The following ALMS1 variants were observed in gnomAD, a reference collection of about 807,000 sequenced individuals.
The protein encoded by ALMS1 is centrosome-associated protein ALMS1.
A neutral mutation model predicts 352.2 loss-of-function variants in ALMS1; 271 were observed. That is an observed-to-expected ratio of 0.77 (90% CI 0.70 to 0.85). The LOEUF (loss-of-function observed/expected upper bound fraction) is 0.85, where lower values mean the gene tolerates loss of function less well. Ranked by LOEUF, ALMS1 falls within the 40% of genes least tolerant of loss-of-function variation. The pLI, the probability that ALMS1 is intolerant of heterozygous loss-of-function variation, is 0.00. For synonymous variants in ALMS1, 1,865 were observed against 1,761.2 expected (o/e 1.06, Z -1.48); for missense variants, 5,445 against 4,870.7 (o/e 1.12, Z -3.51).
rs374693631 is a variant in ALMS1, at chr2:73,490,689, T to C, written c.8730T>C (p.His2910=). The change falls in exon 10 of 23, where the codon CAT becomes CAC. Residue 2910 remains histidine (H), a synonymous_variant. Transcript: ENST00000613296. ...AACACCATTCTCCCTCTCCTCAACA[T>C]CAGGATTATGTAGCTCCAGACCTTC... The part of the protein sequence containing the change: ...VRKHHSPSPQ[H]QDYVAPDLPS... 92 of 1,613,922 alleles carry C rather than the reference T, an allele frequency of 5.7e-5. No homozygotes were observed. Among genetic ancestry groups the C allele is most frequent in the Admixed American group, 1.7e-4 (10 of 59,994 alleles).
chr2:73,542,105 T>G (rs1674197250), intron 12 of ALMS1, among the ~76,000 whole-genome samples: 1 of 152,172 alleles, frequency 6.6e-6, no homozygotes, highest in Non-Finnish European at 1.5e-5. Flanking sequence ...TAAACATTGA[T>G]GCAAAAATCC....
chr2:73,543,635 T>C (rs940069586), intron 12 of ALMS1, among the ~76,000 whole-genome samples: 8 of 152,060 alleles, frequency 5.3e-5, no homozygotes, highest in African/African-American at 1.9e-4. Context: ...AGGGCTAATA[T>C]CCAGAATCTA....
chr2:73,395,012 A>ATGTG (rs1371878238), intron 1 of ALMS1, among the ~76,000 whole-genome samples: 70 of 144,032 alleles, frequency 4.9e-4, no homozygotes, highest in African/African-American at 1.8e-3. Flanking sequence ...GTGTATATAT[A>ATGTG]TGTGTATATA....
intron 16 of ALMS1, among the ~76,000 whole-genome samples, chr2:73,593,387 T>A (rs1675472666): frequency 6.6e-6 from 1 of 152,100 alleles, no homozygotes; most frequent in South Asian, 2.1e-4. Context: ...GTGCCCACCT[T>A]TTTTTAGGAT....
chr2:73,461,391 G>A (rs1173880622), intron 9 of ALMS1, among the ~76,000 whole-genome samples: 2 of 152,194 alleles, frequency 1.3e-5, no homozygotes, highest in African/African-American at 2.4e-5. Context: ...CTGCAGCTGA[G>A]GGTCCTGTCT....
chr2:73,548,406 C>T (rs1312474689), intron 12 of ALMS1, among the ~76,000 whole-genome samples: 3 of 152,146 alleles, frequency 2.0e-5, no homozygotes, highest in African/African-American at 7.2e-5. Context: ...ACATGTGTGG[C>T]TGCACTCTCT....
Position 73,583,804 on chromosome 2 carries a change from A to C in ALMS1, c.11547+10380A>C, listed in dbSNP as rs545510366. On this transcript the variant is annotated intron_variant, in intron 16 of 22. Transcript: ENST00000613296. ...CATTTGAACATATATGCGAGAGTTTATTTCTGGGCATGTTTTCTTATTTCA... is the reference window on the plus strand; with the variant it reads ...CATTTGAACATATATGCGAGAGTTTCTTTCTGGGCATGTTTTCTTATTTCA... Among the ~76,000 whole-genome samples, 4 of 152,110 alleles carry C rather than the reference A, an allele frequency of 2.6e-5. No homozygotes were observed. The South Asian group carries it at 8.3e-4, about 32-fold the overall frequency.
At position 73,608,544 on chromosome 2, in the gene ALMS1, A is replaced by G. The variant is rs762630256; in HGVS notation, c.12432A>G (p.Ser4144=). 2.2e-5 allele frequency: 35 copies of G among 1,614,038 alleles called. No homozygotes were observed. Among genetic ancestry groups the G allele is most frequent in the Admixed American group, 3.3e-5 (2 of 60,008 alleles). The change falls in exon 22 of 23, where the codon TCA becomes TCG. Residue 4144 remains serine (S), a synonymous_variant. Coordinates refer to ENST00000613296, the MANE Select transcript of ALMS1 (RefSeq NM_001378454.1). ...EEEKRKSEYK[S]YRLRAQLYKK... ...AGAAGAGAAAATCAGAATATAAGTC[A>G]TACCGGCTGCGAGCCCAGCTATATA...
At chr2:73,571,721 T>TA (rs1041274661) in intron 15 of ALMS1, among the ~76,000 whole-genome samples, 26 of 151,252 alleles carry the variant, frequency 1.7e-4, no homozygotes, top group Admixed American at 6.6e-5. Flanking sequence ...TTTACCACAA[T>TA]AAAAAAAAAT....
intron 16 of ALMS1, among the ~76,000 whole-genome samples, chr2:73,590,389 G>A (rs762313608): frequency 1.1e-4 from 17 of 152,238 alleles, no homozygotes; most frequent in East Asian, 1.9e-4. Context: ...TTAATTGTAC[G>A]TTAGACAAAA....
chr2:73,417,692 C>T (rs1020939761), intron 2 of ALMS1, among the ~76,000 whole-genome samples: 1 of 152,016 alleles, frequency 6.6e-6, no homozygotes, highest in Admixed American at 6.6e-5. Flanking sequence ...TATTGCTATC[C>T]TTTATCAGGT....
intron 12 of ALMS1, among the ~76,000 whole-genome samples, chr2:73,538,272 A>G (rs1167341540): frequency 1.3e-5 from 2 of 152,196 alleles, no homozygotes; most frequent in Non-Finnish European, 2.9e-5. Flanking sequence ...TCCAAGGAAG[A>G]CGTGCAAATA....
At position 73,491,105 on chromosome 2, in the gene ALMS1, T is replaced by A; in HGVS notation, c.9146T>A (p.Ile3049Lys). ...SNRKALSCVH[I>K]TLCPKTSSKL... ...AGAAAAGCACTTTCTTGTGTTCATA[T>A]AACTCTTTGTCCCAAGACTTCTTCC... The change falls in exon 10 of 23, where the codon ATA (isoleucine) becomes AAA (lysine). Residue 3049 changes from isoleucine (I) to lysine (K), a missense_variant. Ile to Lys is a moderately radical substitution (Grantham distance 102). Coordinates refer to ENST00000613296, the MANE Select transcript of ALMS1 (RefSeq NM_001378454.1). The A allele has an allele frequency of 6.2e-7, 1 of 1,614,214 alleles. No individual in the cohort carries two copies. The highest frequency in any genetic ancestry group is 1.3e-5 in the African/African-American group (1 of 75,072).
Position 73,452,627 on chromosome 2 carries a change from A to G in ALMS1, c.6100A>G (p.Asn2034Asp), listed in dbSNP as rs1206923047. 3 of 1,614,028 alleles carry G rather than the reference A, an allele frequency of 1.9e-6. No homozygotes were observed. Among genetic ancestry groups the G allele is most frequent in the South Asian group, 1.1e-5 (1 of 91,080 alleles). ...KPKISTVIGP[N>D]DQKTPSQTAF... Reference sequence around the variant, plus strand: ...CAAGATTTCAACTGTGATTGGACCAAATGACCAGAAGACTCCATCCCAGAC... The same window carrying G: ...CAAGATTTCAACTGTGATTGGACCAGATGACCAGAAGACTCCATCCCAGAC... The change falls in exon 8 of 23, where the codon AAT becomes GAT. Residue 2034 changes from asparagine (N) to aspartate (D), a missense_variant. By Grantham distance (23) the Asn-to-Asp change is conservative. Coordinates refer to ENST00000613296, the MANE Select transcript of ALMS1 (RefSeq NM_001378454.1).
chr2:73,522,911 A>G (rs1311719199), intron 11 of ALMS1, among the ~76,000 whole-genome samples: 1 of 152,194 alleles, frequency 6.6e-6, no homozygotes, highest in African/African-American at 2.4e-5. Flanking sequence ...CAGGTCTATC[A>G]TAGATTTAGT....
intron 9 of ALMS1, among the ~76,000 whole-genome samples, chr2:73,488,966 A>G (rs1672916433): frequency 6.6e-6 from 1 of 152,194 alleles, no homozygotes; most frequent in Non-Finnish European, 1.5e-5. Context: ...AGTGGCTCAA[A>G]TAAGATAGAA....
intron 16 of ALMS1, among the ~76,000 whole-genome samples, chr2:73,589,980 C>A (rs1427082078): frequency 1.3e-5 from 2 of 152,010 alleles, no homozygotes; most frequent in African/African-American, 2.4e-5. Context: ...ACTTCTCTGC[C>A]AATTATTTCT....
At chr2:73,446,935 G>A (rs1274386895) in intron 7 of ALMS1, among the ~76,000 whole-genome samples, 3 of 152,102 alleles carry the variant, frequency 2.0e-5, no homozygotes, top group Non-Finnish European at 4.4e-5. Flanking sequence ...GTAAAAAATA[G>A]ATAATACTTG....
rs1558648765 is a variant in ALMS1 at position 73,450,107 on chromosome 2, C to T, written c.3580C>T (p.Gln1194Ter). The T allele has an allele frequency of 1.9e-6, 3 of 1,614,068 alleles. No individual in the cohort carries two copies. The South Asian group carries it at 3.3e-5, about 18-fold the overall frequency. The change falls in exon 8 of 23, where the codon CAA becomes TAA. Residue 1194 changes from glutamine (Q) to a stop codon, truncating the protein, a stop_gained. Coordinates refer to ENST00000613296, the MANE Select transcript of ALMS1 (RefSeq NM_001378454.1). LOFTEE classifies it high-confidence loss of function. ...IPRVLSTFYS[Q>*]REKPGIFYQQ... ...AAGAGTACTTTCTACCTTCTACTCA[C>T]AAAGAGAGAAACCTGGTATTTTCTA...
Sources: gnomAD v4.1 joint callset for allele counts (sites outside exome capture counted in the v4.1 genomes callset) on GRCh38, gnomAD v4.1.1 for gene constraint, MANE v1.5 for transcripts, NCBI Gene and HGNC (gene_info 2026-07-23, HGNC 2026-07-21) for gene names.